ERC1: variants seen among roughly 807,000 people sequenced by gnomAD.
ERC1 encodes RAB6 interacting protein 2.
In ERC1, 56 loss-of-function variants were observed where a neutral mutation model predicts 132.0. The ratio of observed to expected loss-of-function variants is 0.42; its 90% CI spans 0.34 to 0.53. The LOEUF (loss-of-function observed/expected upper bound fraction) is 0.53. Among genes scored for constraint, ERC1 ranks in the 20% least tolerant of loss-of-function variants. The pLI is 0.03. For missense variants in ERC1, 1,202 were observed against 1,349.9 expected (o/e 0.89, Z 1.72); for synonymous variants, 478 against 476.1 (o/e 1.00, Z -0.05).
chr12:1,219,160 A>G (rs1283968836), intron 12 of ERC1, among the ~76,000 whole-genome samples: 1 of 152,196 alleles, frequency 6.6e-6, no homozygotes. Flanking sequence ...GGCATGAGCC[A>G]CCATGCCTGG....
intron 15 of ERC1, among the ~76,000 whole-genome samples, chr12:1,344,636 C>G (rs867415685): frequency 1.4e-4 from 21 of 152,268 alleles, no homozygotes; most frequent in Middle Eastern, 6.8e-3. Flanking sequence ...AGTGGTAATT[C>G]CACTTTTTCT....
intron 7 of ERC1, among the ~76,000 whole-genome samples, chr12:1,129,836 G>GAAA (rs60585974): frequency 5.3e-5 from 8 of 150,046 alleles, no homozygotes; most frequent in Non-Finnish European, 7.4e-5. Context: ...TGAGATGCAA[G>GAAA]AAAAAAAAAC....
At chr12:1,245,517 T>G (rs2076104362) in intron 13 of ERC1, among the ~76,000 whole-genome samples, 1 of 152,256 alleles carries the variant, frequency 6.6e-6, no homozygotes, top group Middle Eastern at 3.2e-3. Flanking sequence ...TCTGAAAAGA[T>G]GATTCATTTC....
At chr12:1,464,076 A>T (rs1174984713) in intron 18 of ERC1, among the ~76,000 whole-genome samples, 1 of 152,148 alleles carries the variant, frequency 6.6e-6, no homozygotes, top group Non-Finnish European at 1.5e-5. Context: ...TGTAAGGGAG[A>T]TAAGGAACTC....
chr12:1,295,636 A>G (rs2079861911), intron 15 of ERC1, among the ~76,000 whole-genome samples: 1 of 152,162 alleles, frequency 6.6e-6, no homozygotes, highest in Non-Finnish European at 1.5e-5. Flanking sequence ...GCTCTAATAT[A>G]AGGCCTACTC....
chr12:1,400,914 G>GTTTTTTTTTTTTTTTTTTTTTTT (rs1566774897), intron 16 of ERC1, among the ~76,000 whole-genome samples: 1 of 11,120 alleles, frequency 9.0e-5, no homozygotes, highest in Non-Finnish European at 1.5e-4. Flanking sequence ...GGCTATTTTT[G>GTTTTTTTTTTTTTTTTTTTTTTT]TATTTTTTTT....
intron 16 of ERC1, chr12:1,391,058 G>C (rs2089919190): frequency 6.6e-6 from 1 of 152,254 alleles, no homozygotes; most frequent in Admixed American, 6.5e-5. Context: ...GTTCGCTGCT[G>C]TGCCTTTAAT....
intron 15 of ERC1, among the ~76,000 whole-genome samples, chr12:1,292,563 T>C (rs555860942): frequency 2.6e-5 from 4 of 152,190 alleles, no homozygotes; most frequent in Non-Finnish European, 5.9e-5. Flanking sequence ...TGTTAAATTA[T>C]ATACTCATGA....
intron 15 of ERC1, among the ~76,000 whole-genome samples, chr12:1,312,794 A>G (rs960100726): frequency 1.3e-5 from 2 of 152,032 alleles, no homozygotes; most frequent in African/African-American, 4.8e-5. Context: ...TGAGTTGGTC[A>G]TTTCTTTCAT....
chr12:1,398,130 C>T (rs1317082100), intron 16 of ERC1, among the ~76,000 whole-genome samples: 2 of 151,906 alleles, frequency 1.3e-5, no homozygotes, highest in Non-Finnish European at 2.9e-5. Flanking sequence ...ACTGCGGGCA[C>T]ATGCCACCGT....
intron 18 of ERC1, among the ~76,000 whole-genome samples, chr12:1,453,461 A>G (rs1241636971): frequency 2.6e-5 from 4 of 152,198 alleles, no homozygotes; most frequent in Non-Finnish European, 1.5e-5. Context: ...AATGTTGAGC[A>G]TGGAAAATTT....
intron 8 of ERC1, among the ~76,000 whole-genome samples, chr12:1,144,189 G>C (rs755879737): frequency 1.3e-5 from 2 of 152,128 alleles, no homozygotes; most frequent in Non-Finnish European, 2.9e-5. Context: ...TTTTGTGTTA[G>C]AATTGATAGC....
chr12:990,752 T>C (rs1430360061), upstream of ERC1: 1 of 151,318 alleles, frequency 6.6e-6, no homozygotes, highest in Non-Finnish European at 1.5e-5. Flanking sequence ...CCGCGGCGCT[T>C]GGCTGCCCCG....
chr12:1,396,072 G>T (rs1159695104), intron 16 of ERC1, among the ~76,000 whole-genome samples: 1 of 152,152 alleles, frequency 6.6e-6, no homozygotes, highest in Non-Finnish European at 1.5e-5. Context: ...GGAGTCCCTG[G>T]ATTCTAGAGT....
At chr12:1,196,190 C>G (rs1015823701) in intron 12 of ERC1, among the ~76,000 whole-genome samples, 1 of 152,148 alleles carries the variant, frequency 6.6e-6, no homozygotes, top group South Asian at 2.1e-4. Flanking sequence ...TCAGCCCACT[C>G]AGGTGTCAGT....
chr12:1,143,517 G>T (rs570478496), intron 8 of ERC1, among the ~76,000 whole-genome samples: 6 of 149,642 alleles, frequency 4.0e-5, no homozygotes, highest in African/African-American at 1.2e-4. Context: ...TTAAATTTTT[G>T]TGTTTTTGTG....
In ERC1 at chr12:1,394,235, C is replaced by A. The variant is rs567834203; in HGVS notation, c.2926-13914C>A. Among the ~76,000 whole-genome samples the A allele has an allele frequency of 4.2e-4, 63 of 150,268 alleles. No homozygotes were observed. In the South Asian group the frequency reaches 5.9e-3, roughly 14 times the overall value. ...CTAACACGGTGAAACCCCATCTCTA[C>A]TAAAAATACAAAAAATTAGCCAGGC... is the stretch of plus-strand genomic sequence containing the variant. On this transcript the variant is annotated intron_variant, in intron 16 of 18. Coordinates refer to ENST00000360905, the MANE Select transcript of ERC1 (RefSeq NM_178040.4).
At chr12:1,277,526 T>A (rs1460716931) in intron 14 of ERC1, among the ~76,000 whole-genome samples, 9 of 152,232 alleles carry the variant, frequency 5.9e-5, no homozygotes, top group Non-Finnish European at 7.3e-5. Context: ...CTTCTTAACA[T>A]ATCCTAAATT....
intron 15 of ERC1, among the ~76,000 whole-genome samples, chr12:1,329,250 C>T (rs191628725): frequency 3.5e-5 from 5 of 142,890 alleles, no homozygotes; most frequent in Admixed American, 1.4e-4. Context: ...GCCAAGATCA[C>T]GCCACTGCAC....
Sources: gnomAD v4.1 joint callset for allele counts (sites outside exome capture counted in the v4.1 genomes callset) on GRCh38, gnomAD v4.1.1 for gene constraint, MANE v1.5 for transcripts, NCBI Gene and HGNC (gene_info 2026-07-23, HGNC 2026-07-21) for gene names.